The following OTOG variants were observed in gnomAD, a reference collection of about 807,000 sequenced individuals.
OTOG encodes otogelin.
In OTOG, 296 loss-of-function variants were observed where a neutral mutation model predicts 313.8. The observed-to-expected ratio is 0.94, with a 90% CI of 0.86 to 1.04. The LOEUF (loss-of-function observed/expected upper bound fraction) is 1.04, where lower values mean the gene tolerates loss of function less well. Among genes scored for constraint, OTOG ranks in the 50% least tolerant of loss-of-function variants. OTOG has a pLI of 0.00. For synonymous variants in OTOG, 1,533 were observed against 1,554.9 expected (o/e 0.99, Z 0.33); for missense variants, 3,948 against 3,840.1 (o/e 1.03, Z -0.74).
At chr11:17,635,823 G>A (rs1854252565) in intron 47 of OTOG, 112 bp downstream of exon 47, 2 of 854,466 alleles carry the variant, frequency 2.3e-6, no homozygotes, top group Admixed American at 2.1e-5. Context: ...CCCAGGTGGT[G>A]AGCTCTGGAG....
intron 30 of OTOG, among the ~76,000 whole-genome samples, chr11:17,599,177 G>C (rs749845997): frequency 3.0e-4 from 45 of 152,298 alleles, no homozygotes; most frequent in Non-Finnish European, 4.3e-4. Context: ...CTCACAGCTC[G>C]GCTGGTGGAA....
chr11:17,631,067 A>G (rs1266247964), intron 40 of OTOG, among the ~76,000 whole-genome samples: 1 of 152,166 alleles, frequency 6.6e-6, no homozygotes, highest in African/African-American at 2.4e-5. Flanking sequence ...GTTTTTATGA[A>G]CTAGGCCTGG....
intron 33 of OTOG, among the ~76,000 whole-genome samples, chr11:17,608,079 T>C (rs1853432040): frequency 6.6e-6 from 1 of 152,104 alleles, no homozygotes; most frequent in African/African-American, 2.4e-5. Flanking sequence ...CTGTCCTCAG[T>C]CCTGCATTCA....
intron 15 of OTOG, among the ~76,000 whole-genome samples, chr11:17,562,706 T>TAA (rs1004394597): frequency 2.0e-5 from 3 of 151,960 alleles, no homozygotes; most frequent in Admixed American, 2.0e-4. Flanking sequence ...CCTCAGTGTT[T>TAA]AAAAAAAAAT....
chr11:17,603,476 A>C (rs1853304179), intron 32 of OTOG, among the ~76,000 whole-genome samples: 1 of 152,090 alleles, frequency 6.6e-6, no homozygotes, highest in African/African-American at 2.4e-5. Flanking sequence ...TGGGCATGCT[A>C]AGCAGAACCC....
Position 17,593,239 on chromosome 11 carries a change from G to A in OTOG, c.3053G>A (p.Cys1018Tyr), listed in dbSNP as rs1330184425. ...TCTGTGATTGTAGAGAATGTGAACTGCTACAGCTCTGGCATGATCTGCAGG... is the reference window on the plus strand; with the variant it reads ...TCTGTGATTGTAGAGAATGTGAACTACTACAGCTCTGGCATGATCTGCAGG... ...SFSVIVENVN[C>Y]YSSGMICRKF... The change falls in exon 26 of 56, where the codon TGC becomes TAC. Residue 1018 changes from cysteine to tyrosine, a missense_variant. Transcript: ENST00000399397. 1.9e-5 allele frequency: 29 copies of A among 1,549,900 alleles called. No individual in the cohort carries two copies. The highest frequency in any genetic ancestry group is 2.5e-5 in the Non-Finnish European group (29 of 1,146,464).
At position 17,642,032 on chromosome 11, in the gene OTOG, C is replaced by T. The variant is rs373613862; in HGVS notation, c.8295+81C>T. 8,169 of 1,523,494 alleles carry T rather than the reference C, an allele frequency of 5.4e-3. 36 individuals are homozygous for T. The highest frequency in any genetic ancestry group is 0.023 in the Middle Eastern group (134 of 5,880). The allele number at this position is 1,523,494 out of a possible 1,614,324, so 94.4% of individuals were successfully genotyped here. ...ACTAGGGCCCTCTCTGGCTTGCAGG[C>T]CAGGGCTGGGTACAAACAGGCTCCC... On this transcript the variant is annotated intron_variant, in intron 52 of 55. Transcript: ENST00000399397.
At chr11:17,602,076 G>T in intron 31 of OTOG, 134 bp from the exon 32 acceptor site, 1 of 993,004 alleles carries the variant, frequency 1.0e-6, no homozygotes, top group Admixed American at 2.7e-5. Context: ...TGAGATCTGG[G>T]ATGAAGGACA....
chr11:17,608,264 AC>A, intron 33 of OTOG, 31 bp from the exon 34 acceptor site: 1 of 1,437,252 alleles, frequency 7.0e-7, no homozygotes, highest in Non-Finnish European at 9.4e-7. Flanking sequence ...TCTTCACCTG[AC>A]CCAGAGTTGC....
At chr11:17,563,873 T>G (rs1852246074) in intron 15 of OTOG, among the ~76,000 whole-genome samples, 2 of 148,968 alleles carry the variant, frequency 1.3e-5, no homozygotes, top group African/African-American at 5.0e-5. Flanking sequence ...TTTTTTTTTT[T>G]TTTTGGTATT....
chr11:17,591,156 G>A (rs997383422), intron 24 of OTOG, among the ~76,000 whole-genome samples: 36 of 152,208 alleles, frequency 2.4e-4, no homozygotes, highest in African/African-American at 8.4e-4. Flanking sequence ...TAGAATGAAT[G>A]GGTAAGTGAA....
At chr11:17,557,657 G>A (rs1407792403) in intron 8 of OTOG, among the ~76,000 whole-genome samples, 1 of 152,250 alleles carries the variant, frequency 6.6e-6, no homozygotes, top group Middle Eastern at 3.4e-3. Context: ...AGACAGCCAG[G>A]AAGAGAAATG....
chr11:17,642,154 G>T lies in OTOG; in HGVS notation c.8323G>T (p.Ala2775Ser), dbSNP rs752901971. Residue 2775 changes from alanine to serine, a missense_variant, in exon 53 of 56, where the codon GCC (alanine) becomes TCC (serine). Physicochemically the swap from Ala to Ser is moderately conservative, Grantham distance 99 (BLOSUM62 1). Transcript: ENST00000399397. ...CGGGGCATCCTGGATCGCAGACTGC[G>T]CCCGCCACCACTGCAGCAGCACGCC... ...LPGASWIADC[A>S]RHHCSSTPLG... 1 of 1,548,802 alleles carries T rather than the reference G, an allele frequency of 6.5e-7. No homozygotes were observed. The highest frequency in any genetic ancestry group is 8.7e-7 in the Non-Finnish European group (1 of 1,146,024).
At chr11:17,632,019 G>GA (rs1475087442) in intron 41 of OTOG, 69 bp from the exon 42 acceptor site, 6 of 1,540,918 alleles carry the variant, frequency 3.9e-6, no homozygotes, top group Non-Finnish European at 5.3e-6. Flanking sequence ...TTTGGGCAGG[G>GA]AGGGGAGGAG....
chr11:17,564,433 A>T (rs1347469670), intron 15 of OTOG, among the ~76,000 whole-genome samples: 3 of 152,218 alleles, frequency 2.0e-5, no homozygotes, highest in Non-Finnish European at 4.4e-5. Context: ...AGAAATCAGT[A>T]TGCCTGGGTA....
chr11:17,613,499 C>G (rs1853648349), intron 38 of OTOG, 113 bp from the exon 39 acceptor site: 1 of 857,240 alleles, frequency 1.2e-6, no homozygotes, highest in African/African-American at 1.7e-5. Context: ...GAGCCCCTGG[C>G]ATAGTGCAGG....
At chr11:17,566,015 G>A (rs1852286576) in intron 15 of OTOG, among the ~76,000 whole-genome samples, 1 of 152,194 alleles carries the variant, frequency 6.6e-6, no homozygotes, top group African/African-American at 2.4e-5. Context: ...GATGAGGTGT[G>A]CTCATTGCTA....
At chr11:17,566,189 G>A (rs558672071) in intron 15 of OTOG, among the ~76,000 whole-genome samples, 2 of 152,150 alleles carry the variant, frequency 1.3e-5, no homozygotes, top group South Asian at 4.2e-4. Flanking sequence ...TATGTAACAT[G>A]GTATATAGTA....
At chr11:17,592,047 G>A (rs962447872) in intron 25 of OTOG, among the ~76,000 whole-genome samples, 1 of 152,102 alleles carries the variant, frequency 6.6e-6, no homozygotes. Context: ...GTAGAGCTGG[G>A]GTCAAGTTTG....
Sources: gnomAD v4.1 joint callset for allele counts (sites outside exome capture counted in the v4.1 genomes callset) on GRCh38, gnomAD v4.1.1 for gene constraint, MANE v1.5 for transcripts, NCBI Gene and HGNC (gene_info 2026-07-23, HGNC 2026-07-21) for gene names.